The following ADPRHL1 variants were observed in gnomAD, a reference collection of about 807,000 sequenced individuals.
ADPRHL1 encodes the protein ADP-ribosylhydrolase like 1, also known as inactive ADP-ribosyltransferase ARH2.
In ADPRHL1, 43 loss-of-function variants were observed where a neutral mutation model predicts 44.1. The ratio of observed to expected loss-of-function variants is 0.98; its 90% CI spans 0.76 to 1.26. ADPRHL1 has a LOEUF of 1.26. Among genes scored for constraint, ADPRHL1 ranks in the 50% most tolerant of loss-of-function variants. The pLI is 0.00. For missense variants in ADPRHL1, 2,022 were observed against 2,496.9 expected (o/e 0.81, Z 4.05); for synonymous variants, 878 against 1,017.4 (o/e 0.86, Z 2.61).
chr13:113,453,307 T>C lies in ADPRHL1; in HGVS notation c.131A>G (p.Asp44Gly), dbSNP rs141431509. 5 of 1,614,038 alleles carry C rather than the reference T, an allele frequency of 3.1e-6. No homozygotes were observed. The African/African-American group carries it at 6.7e-5, about 22-fold the overall frequency. The change falls in exon 1 of 8, where the codon GAC becomes GGC. Residue 44 changes from aspartate (D) to glycine (G), a missense_variant. Physicochemically the swap from Asp to Gly is moderately conservative, Grantham distance 94 (BLOSUM62 -1). Coordinates refer to ENST00000612156, the MANE Select transcript of ADPRHL1 (RefSeq NM_001394807.1). This position sits in a 1 kb window ranked among gnomAD's most constrained non-coding sequence, Gnocchi z 5.4. ...QEELQRSGGL[D>G]HLVLSPGEWP... ...TTCTCCTGGCGAGAGTACGAGGTGGTCCAGGCCCCCGGAACGTTGCAGCTC... is the reference window on the plus strand; with the variant it reads ...TTCTCCTGGCGAGAGTACGAGGTGGCCCAGGCCCCCGGAACGTTGCAGCTC...
At chr13:113,423,244 G>A (rs559144045) in intron 6 of ADPRHL1, among the ~76,000 whole-genome samples, 8 of 148,462 alleles carry the variant, frequency 5.4e-5, no homozygotes, top group Admixed American at 1.4e-4. Flanking sequence ...GTGACAGAGT[G>A]AGATCCTGTC....
rs1171691436 is a variant in ADPRHL1 at position 113,409,783 on chromosome 13, G to A, written c.1062-1563C>T. On this transcript the variant is annotated intron_variant, in intron 7 of 7. Coordinates refer to ENST00000612156, the MANE Select transcript of ADPRHL1 (RefSeq NM_001394807.1). This position sits in a 1 kb window ranked among gnomAD's most constrained non-coding sequence, Gnocchi z 4.2. Reference sequence around the variant, plus strand: ...GGGCGCCTGTAGTCCCAGCTACTTGGGAGGCTGAGGCAGGCGAATGGCGTG... The same window carrying A: ...GGGCGCCTGTAGTCCCAGCTACTTGAGAGGCTGAGGCAGGCGAATGGCGTG... Among the ~76,000 whole-genome samples, 5 of 151,904 alleles carry A rather than the reference G, an allele frequency of 3.3e-5. No homozygotes were observed. Among genetic ancestry groups the A allele is most frequent in the Non-Finnish European group, 7.4e-5 (5 of 67,962 alleles).
chr13:113,438,086 C>T (rs796703678), intron 2 of ADPRHL1, among the ~76,000 whole-genome samples: 71 of 152,180 alleles, frequency 4.7e-4, no homozygotes, highest in African/African-American at 1.6e-3. Context: ...CTGCCTTGGC[C>T]TCCCAAAGTG....
intron 7 of ADPRHL1, among the ~76,000 whole-genome samples, chr13:113,408,810 G>A (rs2043827933): frequency 6.6e-6 from 1 of 152,050 alleles, no homozygotes; most frequent in South Asian, 2.1e-4. Flanking sequence ...GCAGGAACCA[G>A]CACTGCAGTG....
chr13:113,415,212 C>T lies in ADPRHL1; in HGVS notation c.1062-6992G>A, dbSNP rs138698186. Among the ~76,000 whole-genome samples, 707 of 152,236 alleles carry T rather than the reference C, an allele frequency of 4.6e-3. 3 individuals carry two copies. The highest frequency in any genetic ancestry group is 0.01 in the Middle Eastern group (3 of 294). On this transcript the variant is annotated intron_variant, in intron 7 of 7. Coordinates refer to ENST00000612156, the MANE Select transcript of ADPRHL1 (RefSeq NM_001394807.1). ...GTTCTTGCTGGTCAGCCTAGAGGGA[C>T]GAGAGCCCTTCTGGAGACGCGGACC...
chr13:113,433,797 C>T lies in ADPRHL1; in HGVS notation c.450G>A (p.Glu150=). The change falls in exon 3 of 8, where the codon GAG becomes GAA. Residue 150 remains glutamate (E), a synonymous_variant. Coordinates refer to ENST00000612156, the MANE Select transcript of ADPRHL1 (RefSeq NM_001394807.1). ...GLRYWKPERL[E]TLIEVSVECG... is the part of the protein sequence containing the mutation. ...ACTCCACGCTGACCTCGATGAGGGT[C>T]TCCAGCCGCTCAGGCTTCCAGTACC... is the stretch of plus-strand genomic sequence containing the variant. The T allele has an allele frequency of 1.3e-6, 2 of 1,588,658 alleles. No homozygotes were observed. Among genetic ancestry groups the T allele is most frequent in the Non-Finnish European group, 1.7e-6 (2 of 1,168,716 alleles).
At chr13:113,418,626 C>T (rs1257162265) in intron 7 of ADPRHL1, among the ~76,000 whole-genome samples, 1 of 152,156 alleles carries the variant, frequency 6.6e-6, no homozygotes, top group Non-Finnish European at 1.5e-5. Flanking sequence ...TAGTGTGTGA[C>T]TTCTGTGTGG....
chr13:113,425,060 T>G lies in ADPRHL1; in HGVS notation c.766A>C (p.Arg256=), dbSNP rs146236374. The stretch of plus-strand genomic sequence containing the variant: ...GCCAGGACAAGGCTTACCTTTTCCC[T>G]CTCTTCTGCATCATAATTGTCGGGG... ...IFPDNYDAEE[R]EKTYRKWSSE... The change falls in exon 5 of 8, where the codon AGG becomes CGG. Residue 256 remains arginine (R), a synonymous_variant. Transcript: ENST00000612156. 3.7e-6 allele frequency: 6 copies of G among 1,613,608 alleles called. No homozygotes were observed. Among genetic ancestry groups the G allele is most frequent in the Non-Finnish European group, 5.1e-6 (6 of 1,179,932 alleles).
At position 113,441,269 on chromosome 13, in the gene ADPRHL1, C is replaced by T. The variant is rs145574578; in HGVS notation, c.379+3156G>A. On this transcript the variant is annotated intron_variant, in intron 2 of 7. Coordinates refer to ENST00000612156, the MANE Select transcript of ADPRHL1 (RefSeq NM_001394807.1). The surrounding 1 kb of genome is among the most constrained non-coding windows in gnomAD (Gnocchi z 6.0). ...GGGTCTTCACACCATTCGCATTTGG[C>T]GTCATTATTATTATCTTGTTTGTTT... 2.1e-3 allele frequency among the ~76,000 whole-genome samples: 320 copies of T among 152,246 alleles called. 2 individuals are homozygous for T. The highest frequency in any genetic ancestry group is 6.9e-3 in the African/African-American group (286 of 41,544).
At chr13:113,424,116 G>T in intron 6 of ADPRHL1, 101 bp downstream of exon 6, 1 of 1,465,998 alleles carries the variant, frequency 6.8e-7, no homozygotes. Context: ...GAGCTCAGGA[G>T]GTGGCCCCTG....
chr13:113,428,614 G>A (rs919061883), intron 4 of ADPRHL1, among the ~76,000 whole-genome samples: 1 of 152,230 alleles, frequency 6.6e-6, no homozygotes, highest in Non-Finnish European at 1.5e-5. Flanking sequence ...GGCACCACAG[G>A]TCCCACTCAC....
chr13:113,431,131 T>C (rs996522502), intron 3 of ADPRHL1, among the ~76,000 whole-genome samples: 1 of 152,186 alleles, frequency 6.6e-6, no homozygotes, highest in Non-Finnish European at 1.5e-5. Context: ...CACGGCGCCA[T>C]TGGCCAGAGG....
chr13:113,436,338 C>T (rs1253868345), intron 2 of ADPRHL1, among the ~76,000 whole-genome samples: 1 of 140,264 alleles, frequency 7.1e-6, no homozygotes, highest in African/African-American at 2.7e-5. Flanking sequence ...GTAGAGTGAA[C>T]ACAGGTGTAC....
intron 2 of ADPRHL1, among the ~76,000 whole-genome samples, chr13:113,434,699 A>T (rs1356441839): frequency 7.1e-6 from 1 of 140,668 alleles, no homozygotes; most frequent in Non-Finnish European, 1.6e-5. Context: ...TGTAGAGTGA[A>T]CATAGGTGTA....
intron 4 of ADPRHL1, among the ~76,000 whole-genome samples, chr13:113,426,546 G>A (rs1595545946): frequency 6.6e-6 from 1 of 152,358 alleles, no homozygotes; most frequent in African/African-American, 2.4e-5. Flanking sequence ...GGGAGGCCAG[G>A]AGAGCCCTGG....
In ADPRHL1 at chr13:113,424,221, A is replaced by G; in HGVS notation, c.903T>C (p.His301=). The G allele has an allele frequency of 6.2e-7, 1 of 1,612,772 alleles. No homozygotes were observed. Among genetic ancestry groups the G allele is most frequent in the Non-Finnish European group, 8.5e-7 (1 of 1,179,820 alleles). ...GGCCATTAAGGAACATCTCACCTCC[A>G]TGAAACATGGCCCGGTGACACAGCT... The part of the protein sequence containing the change: ...WTELCHRAMF[H]GGESAATGTI... Residue 301 remains histidine (H), a synonymous_variant, in exon 6 of 8, where the codon CAT becomes CAC. Transcript: ENST00000612156.
chr13:113,420,885 CG>C (rs1302311854), intron 7 of ADPRHL1, among the ~76,000 whole-genome samples: 1 of 149,316 alleles, frequency 6.7e-6, no homozygotes, highest in Non-Finnish European at 1.5e-5. Flanking sequence ...CGCCCACCCC[CG>C]GGACCCGCTC....
chr13:113,438,322 A>G (rs746118380), intron 2 of ADPRHL1, among the ~76,000 whole-genome samples: 1 of 152,196 alleles, frequency 6.6e-6, no homozygotes, highest in Non-Finnish European at 1.5e-5. Context: ...ATGACGGAAG[A>G]TGGTGAGCAT....
chr13:113,426,704 G>A (rs753361082), intron 4 of ADPRHL1, among the ~76,000 whole-genome samples: 1 of 152,244 alleles, frequency 6.6e-6, no homozygotes, highest in Non-Finnish European at 1.5e-5. Flanking sequence ...AAAAGTAAGA[G>A]GGCAGCGGTC....
Sources: allele counts gnomAD v4.1 joint callset (sites outside exome capture counted in the v4.1 genomes callset), GRCh38; gene constraint gnomAD v4.1.1; non-coding constraint Gnocchi (gnomAD v3.1); transcripts MANE v1.5; gene names NCBI Gene and HGNC (gene_info 2026-07-23, HGNC 2026-07-21).